Variants in ZNF124 observed in about 807,000 individuals in gnomAD.
ZNF124 encodes zinc finger protein HZF-16.
Under a neutral mutation model 26.6 loss-of-function variants are expected in ZNF124, and 25 were observed. That is an observed-to-expected ratio of 0.94 (90% CI 0.68 to 1.31). The LOEUF (loss-of-function observed/expected upper bound fraction) is 1.31. ZNF124 is among the 40% of genes most tolerant of loss of function. ZNF124 has a pLI of 0.00. For synonymous variants in ZNF124, 129 were observed against 133.3 expected (o/e 0.97, Z 0.22); for missense variants, 444 against 422.2 (o/e 1.05, Z -0.45).
At chr1:247,160,358 C>T (rs536292447) in intron 1 of ZNF124, among the ~76,000 whole-genome samples, 1 of 152,200 alleles carries the variant, frequency 6.6e-6, no homozygotes, top group African/African-American at 2.4e-5. Flanking sequence ...GTTGGTGGGT[C>T]CAGGGAGTAA....
intron 3 of ZNF124, among the ~76,000 whole-genome samples, chr1:247,135,926 C>G (rs142374750): frequency 2.0e-5 from 3 of 152,296 alleles, no homozygotes; most frequent in African/African-American, 7.2e-5. Context: ...AAGACAAACA[C>G]CACATGATTC....
In ZNF124 at chr1:247,155,082, G is replaced by C. The variant is rs1307946681; in HGVS notation, c.*1484C>G. Among the ~76,000 whole-genome samples the C allele has an allele frequency of 6.6e-6, 1 of 152,110 alleles. No homozygotes were observed. The highest frequency in any genetic ancestry group is 1.5e-5 in the Non-Finnish European group (1 of 68,016). ...GCTTTCTTTCTCAGATTAGACACAAGACACTGTTCGATCACAGGTCTCTCT... is the reference window on the plus strand; with the variant it reads ...GCTTTCTTTCTCAGATTAGACACAACACACTGTTCGATCACAGGTCTCTCT... On this transcript the variant is annotated 3_prime_UTR_variant, in exon 4 of 4. Transcript: ENST00000543802.
intron 3 of ZNF124, among the ~76,000 whole-genome samples, chr1:247,126,414 C>G (rs1672225940): frequency 2.5e-5 from 1 of 39,296 alleles, no homozygotes; most frequent in Admixed American, 2.6e-4. Flanking sequence ...GAGGCGGCTT[C>G]CGGGTGTGCC....
chr1:247,157,719 C>T lies in ZNF124; in HGVS notation c.219-316G>A, dbSNP rs116536712. Among the ~76,000 whole-genome samples the T allele has an allele frequency of 2.3e-3, 343 of 152,190 alleles. 4 individuals are homozygous for T. Among genetic ancestry groups the T allele is most frequent in the African/African-American group, 7.8e-3 (323 of 41,502 alleles). On this transcript the variant is annotated intron_variant, in intron 3 of 3. Coordinates refer to ENST00000543802, the MANE Select transcript of ZNF124 (RefSeq NM_001297568.2). ...GGATTGATTAGTCTACAACATGGCTCCCTCCCCTATAGCTATTAACAATAC... is the reference window on the plus strand; with the variant it reads ...GGATTGATTAGTCTACAACATGGCTTCCTCCCCTATAGCTATTAACAATAC...
intron 1 of ZNF124, among the ~76,000 whole-genome samples, chr1:247,167,560 T>A (rs978342157): frequency 2.6e-5 from 4 of 152,146 alleles, no homozygotes; most frequent in African/African-American, 9.7e-5. Context: ...CATTTGAAAC[T>A]ACCCAAAAGA....
At chr1:247,159,953 C>T (rs145003106) in intron 1 of ZNF124, 140 bp from the exon 2 acceptor site, 10 of 606,354 alleles carry the variant, frequency 1.6e-5, no homozygotes, top group African/African-American at 1.2e-4. Flanking sequence ...ACTCTGTCTA[C>T]ACTTCCTTTC....
chr1:247,167,107 C>A (rs1558394151), intron 1 of ZNF124, among the ~76,000 whole-genome samples: 1 of 152,176 alleles, frequency 6.6e-6, no homozygotes, highest in Non-Finnish European at 1.5e-5. Flanking sequence ...TAAAAATACA[C>A]AATAAACTAG....
chr1:247,152,940 T>C (rs1459985279), downstream of ZNF124, among the ~76,000 whole-genome samples: 1 of 152,120 alleles, frequency 6.6e-6, no homozygotes, highest in Non-Finnish European at 1.5e-5. Flanking sequence ...AAGACCATCC[T>C]GGCTAACACG....
chr1:247,136,442 T>C (rs181720262), intron 3 of ZNF124, among the ~76,000 whole-genome samples: 18 of 152,154 alleles, frequency 1.2e-4, no homozygotes, highest in Non-Finnish European at 1.5e-5. Context: ...TAACAAGGGA[T>C]GTAAAGGACC....
At chr1:247,143,226 C>CACCCA (rs1359840740) in intron 3 of ZNF124, among the ~76,000 whole-genome samples, 5 of 152,120 alleles carry the variant, frequency 3.3e-5, no homozygotes, top group Admixed American at 3.3e-4. Context: ...CTTCAAGACA[C>CACCCA]ACCCAAATGC....
rs1450913689 is a variant in ZNF124, at chr1:247,156,843, T to C, written c.779A>G (p.Glu260Gly). The change falls in exon 4 of 4, where the codon GAA becomes GGA. Residue 260 changes from glutamate (E) to glycine (G), a missense_variant. Transcript: ENST00000543802. ...CCCACATTGCTTACATGGATAGGGTTCTTCACCAGCATGAGCCTTTATATG... is the reference window on the plus strand; with the variant it reads ...CCCACATTGCTTACATGGATAGGGTCCTTCACCAGCATGAGCCTTTATATG... ...QGHIKAHAGE[E>G]PYPCKQCGKA... 6.2e-7 allele frequency: 1 copy of C among 1,614,232 alleles called. No homozygotes were observed. Among genetic ancestry groups the C allele is most frequent in the Non-Finnish European group, 8.5e-7 (1 of 1,180,036 alleles).
chr1:247,137,208 T>A (rs1250299841), intron 3 of ZNF124, among the ~76,000 whole-genome samples: 9 of 151,246 alleles, frequency 6.0e-5, no homozygotes, highest in Admixed American at 5.9e-4. Flanking sequence ...GAAGAAAGGA[T>A]CTCTGATTCA....
chr1:247,144,584 G>C (rs1672712863), intron 3 of ZNF124, among the ~76,000 whole-genome samples: 1 of 151,974 alleles, frequency 6.6e-6, no homozygotes, highest in South Asian at 2.1e-4. Flanking sequence ...TCAGCTAAAA[G>C]CTTGCTACAG....
intron 3 of ZNF124, among the ~76,000 whole-genome samples, chr1:247,143,344 A>G (rs1672675997): frequency 6.6e-6 from 1 of 152,214 alleles, no homozygotes; most frequent in Admixed American, 6.5e-5. Context: ...CCCTGAGGAA[A>G]TGTGTGATCA....
downstream of ZNF124, among the ~76,000 whole-genome samples, chr1:247,151,415 C>T (rs1171165018): frequency 6.7e-6 from 1 of 148,952 alleles, no homozygotes; most frequent in Non-Finnish European, 1.5e-5. Flanking sequence ...GGAGGCGGAG[C>T]TTGCAGGGAG....
chr1:247,143,813 T>A (rs561401053), intron 3 of ZNF124, among the ~76,000 whole-genome samples: 36 of 152,264 alleles, frequency 2.4e-4, no homozygotes, highest in Admixed American at 5.2e-4. Flanking sequence ...AAGTAGACAA[T>A]GGGATCAGTG....
In ZNF124 at chr1:247,156,155, G is replaced by T; in HGVS notation, c.*411C>A. 1.0e-6 allele frequency: 1 copy of T among 989,988 alleles called. No individual in the cohort carries two copies. The highest frequency in any genetic ancestry group is 1.2e-6 in the Non-Finnish European group (1 of 833,280). The allele number at this position is 989,988 out of a possible 1,614,324, so 61.3% of individuals were successfully genotyped here. On this transcript the variant is annotated 3_prime_UTR_variant, in exon 4 of 4. Transcript: ENST00000543802. ...TGTATTTCTAGGATTTCAATCTGGT[G>T]GGCATTCTTTTATTTATAAGGTCAA...
At chr1:247,165,698 TTAAA>T (rs1343005383) in intron 1 of ZNF124, among the ~76,000 whole-genome samples, 2 of 152,134 alleles carry the variant, frequency 1.3e-5, no homozygotes, top group Non-Finnish European at 2.9e-5. Context: ...TGTAAGAAAC[TTAAA>T]TAAATTAACA....
At chr1:247,125,475 CCT>C (rs1672192880) in intron 3 of ZNF124, among the ~76,000 whole-genome samples, 1 of 62,098 alleles carries the variant, frequency 1.6e-5, no homozygotes, top group Non-Finnish European at 3.0e-5. Flanking sequence ...GGCAGAGTTT[CCT>C]CTTTCGCCCA....
Sources: allele counts gnomAD v4.1 joint callset (sites outside exome capture counted in the v4.1 genomes callset), GRCh38; gene constraint gnomAD v4.1.1; transcripts MANE v1.5; gene names NCBI Gene and HGNC (gene_info 2026-07-23, HGNC 2026-07-21).